PLA2G6: variants seen among roughly 807,000 people sequenced by gnomAD.
The protein encoded by PLA2G6 is phospholipase A2 group VI, also known as 85/88 kDa calcium-independent phospholipase A2.
In PLA2G6, 62 loss-of-function variants were observed where a neutral mutation model predicts 83.8. That is an observed-to-expected ratio of 0.74 (90% CI 0.60 to 0.91). The LOEUF (loss-of-function observed/expected upper bound fraction) is 0.91. Among genes scored for constraint, PLA2G6 ranks in the 40% least tolerant of loss-of-function variants. PLA2G6 has a pLI of 0.00. For missense variants in PLA2G6, 944 were observed against 1,102.0 expected, an observed-to-expected ratio of 0.86 and a Z score of 2.03; for synonymous variants, 417 against 449.8, an observed-to-expected ratio of 0.93 and a Z score of 0.92.
intron 10 of PLA2G6, among the ~76,000 whole-genome samples, chr22:38,124,222 G>A (rs1046894337): frequency 3.9e-5 from 6 of 152,126 alleles, no homozygotes; most frequent in African/African-American, 1.2e-4. Context: ...GTTCACGGCA[G>A]CCTCAACCTT....
chr22:38,127,501 C>T, intron 9 of PLA2G6: 1 of 1,223,830 alleles, frequency 8.2e-7, no homozygotes, highest in Non-Finnish European at 1.1e-6. Flanking sequence ...AGGGGGAGTT[C>T]CTGGGAGGGG....
At chr22:38,179,189 T>C (rs2090750969) in intron 1 of PLA2G6, among the ~76,000 whole-genome samples, 2 of 152,108 alleles carry the variant, frequency 1.3e-5, no homozygotes, top group Non-Finnish European at 2.9e-5. Context: ...GGCTGGAACA[T>C]GTTTAGCGAG....
intron 4 of PLA2G6, chr22:38,142,026 C>T (rs2088938338): frequency 6.6e-6 from 1 of 151,654 alleles, no homozygotes; most frequent in South Asian, 2.1e-4. Context: ...AAAACCCCAT[C>T]CCTACTAAAA....
intron 7 of PLA2G6, chr22:38,131,705 C>A: frequency 6.3e-6 from 1 of 158,226 alleles, no homozygotes; most frequent in Non-Finnish European, 1.4e-5. Context: ...TGAATGTGTC[C>A]TGAATCAGCT....
rs934719269 is a variant in PLA2G6, at chr22:38,132,419, G to T, written c.1077+412C>A. 10 of 328,582 alleles carry T rather than the reference G, an allele frequency of 3.0e-5. No homozygotes were observed. The highest frequency in any genetic ancestry group is 2.2e-4 in the African/African-American group (10 of 46,344). The allele number at this position is 328,582 out of a possible 1,614,324, so 20.4% of individuals were successfully genotyped here. A position where few individuals can be genotyped will look rare whatever the true frequency, so the allele number is the denominator to read the frequency against. On this transcript the variant is annotated intron_variant, in intron 7 of 16. Transcript: ENST00000332509. This position sits in a 1 kb window ranked among gnomAD's most constrained non-coding sequence, Gnocchi z 5.0. The stretch of plus-strand genomic sequence containing the variant: ...ACTGCGTGTGTCACTTAGACATTCT[G>T]TAGAGGGTGACCAAGTGTCCACCAT...
intron 1 of PLA2G6, among the ~76,000 whole-genome samples, chr22:38,177,944 C>T (rs1007002774): frequency 1.1e-4 from 16 of 152,234 alleles, no homozygotes; most frequent in African/African-American, 3.9e-4. Flanking sequence ...AAGAAGGTGG[C>T]TGAGCGAGGC....
At chr22:38,117,998 T>C (rs2087306381) in intron 12 of PLA2G6, among the ~76,000 whole-genome samples, 1 of 146,992 alleles carries the variant, frequency 6.8e-6, no homozygotes. Context: ...ATCGCGCCAC[T>C]GCACTCCAGC....
intron 5 of PLA2G6, 131 bp downstream of exon 5, chr22:38,139,851 A>AC (rs765215737): frequency 1.9e-5 from 14 of 735,114 alleles, no homozygotes; most frequent in Non-Finnish European, 3.3e-5. Flanking sequence ...AGGCTTGTGA[A>AC]CCCGGGGCCT....
rs2145748343 is a variant in PLA2G6, at chr22:38,128,417, C to T, written c.1200G>A (p.Lys400=). Residue 400 remains lysine (K), a synonymous_variant, in exon 9 of 17, where the codon AAG becomes AAA. Transcript: ENST00000332509. The surrounding 1 kb of genome is among the most constrained non-coding windows in gnomAD (Gnocchi z 4.4). ...ASKIGRLVTR[K]AILTLLRTVG... is the part of the protein sequence containing the mutation. Reference sequence around the variant, plus strand: ...CGGTTCTCAGCAGAGTCAAGATCGCCTTCCTGGTGACAACTTGTCATGGTT... The same window carrying T: ...CGGTTCTCAGCAGAGTCAAGATCGCTTTCCTGGTGACAACTTGTCATGGTT... The T allele has an allele frequency of 1.2e-6, 2 of 1,614,120 alleles. No homozygotes were observed. Among genetic ancestry groups the T allele is most frequent in the Non-Finnish European group, 1.7e-6 (2 of 1,180,004 alleles).
chr22:38,139,641 G>A (rs1450856379), intron 5 of PLA2G6: 1 of 221,346 alleles, frequency 4.5e-6, no homozygotes, highest in Non-Finnish European at 9.3e-6. Flanking sequence ...CTTCATGTTG[G>A]TCAGGCTGGT....
chr22:38,180,931 C>A (rs1226299063), intron 1 of PLA2G6, among the ~76,000 whole-genome samples: 1 of 152,174 alleles, frequency 6.6e-6, no homozygotes, highest in African/African-American at 2.4e-5. Flanking sequence ...CCAAACCGAA[C>A]CTGCCTGACA....
chr22:38,139,139 G>C (rs1268385916), intron 5 of PLA2G6: 1 of 152,200 alleles, frequency 6.6e-6, no homozygotes, highest in Non-Finnish European at 1.5e-5. Flanking sequence ...TAGGTGGACG[G>C]GCACTCGGCC....
intron 7 of PLA2G6, 32 bp from the exon 8 acceptor site, chr22:38,129,594 A>C: frequency 6.5e-7 from 1 of 1,541,064 alleles, no homozygotes; most frequent in Non-Finnish European, 9.0e-7. Flanking sequence ...TAAGACGTGC[A>C]ACTGCCGGGG....
At chr22:38,167,972 C>T (rs11570617) in intron 2 of PLA2G6, 13 of 169,628 alleles carry the variant, frequency 7.7e-5, no homozygotes, top group Non-Finnish European at 1.5e-4. Context: ...CACTTCTGCA[C>T]GGCTGGAACG....
At position 38,145,517 on chromosome 22, in the gene PLA2G6, T is replaced by G; in HGVS notation, c.346A>C (p.Asn116His). The G allele has an allele frequency of 6.2e-7, 1 of 1,613,320 alleles. No homozygotes were observed. Among genetic ancestry groups the G allele is most frequent in the Non-Finnish European group, 8.5e-7 (1 of 1,179,790 alleles). ...VLQHLTDLIRNHPSWSVAHLA... is the reference protein window; with the variant it reads ...VLQHLTDLIRHHPSWSVAHLA... ...TGGGCCACTGACCAGCTGGGGTGGT[T>G]ACGGATGAGGTCGGTCAGGTGCTGC... Residue 116 changes from asparagine to histidine, a missense_variant, in exon 3 of 17, where the codon AAC becomes CAC. Transcript: ENST00000332509.
At chr22:38,120,705 G>A (rs2087473137) in intron 12 of PLA2G6, 54 bp downstream of exon 12, 4 of 1,604,038 alleles carry the variant, frequency 2.5e-6, no homozygotes, top group Admixed American at 3.3e-5. Context: ...TGTCCCCAGG[G>A]AACAGCCACA....
At chr22:38,149,454 A>T (rs929451976) in intron 2 of PLA2G6, 4 of 152,236 alleles carry the variant, frequency 2.6e-5, no homozygotes, top group Non-Finnish European at 5.9e-5. Context: ...TATAATCAGG[A>T]AAGAGTAAAC....
chr22:38,175,968 C>T (rs1443161999), intron 1 of PLA2G6, among the ~76,000 whole-genome samples: 6 of 152,210 alleles, frequency 3.9e-5, no homozygotes, highest in Non-Finnish European at 7.3e-5. Context: ...ACTTTATTCC[C>T]TTGAAGGTGA....
intron 2 of PLA2G6, among the ~76,000 whole-genome samples, chr22:38,161,834 G>A (rs1339953205): frequency 6.6e-6 from 1 of 152,150 alleles, no homozygotes; most frequent in East Asian, 1.9e-4. Context: ...CCTTCTGGGA[G>A]AGGGGTGAAC....
Sources: allele counts gnomAD v4.1 joint callset (sites outside exome capture counted in the v4.1 genomes callset), GRCh38; gene constraint gnomAD v4.1.1; non-coding constraint Gnocchi (gnomAD v3.1); transcripts MANE v1.5; gene names NCBI Gene and HGNC (gene_info 2026-07-23, HGNC 2026-07-21).